The following IL7 variants were observed in gnomAD, a reference collection of about 807,000 sequenced individuals.
IL7 encodes interleukin 7.
IL7 carries 3 observed loss-of-function variants against 21.6 expected under a neutral mutation model. The observed-to-expected ratio is 0.14, with a 90% CI of 0.06 to 0.36. The LOEUF (loss-of-function observed/expected upper bound fraction) is 0.36, where lower values mean the gene tolerates loss of function less well. IL7 is among the 10% of genes least tolerant of loss of function. IL7 has a pLI of 1.00. For missense variants in IL7, 175 were observed against 200.2 expected, an observed-to-expected ratio of 0.87 and a Z score of 0.76; for synonymous variants, 62 against 68.1, an observed-to-expected ratio of 0.91 and a Z score of 0.44.
intron 2 of IL7, chr8:78,761,261 G>A (rs1812546182): frequency 7.5e-6 from 12 of 1,606,046 alleles, no homozygotes; most frequent in Middle Eastern, 2.3e-4. Context: ...ATGGAAAAAA[G>A]AACAAACTTC....
At chr8:78,711,887 G>A (rs1810960437) in intron 3 of IL7, 2 of 580,272 alleles carry the variant, frequency 3.4e-6, no homozygotes, top group South Asian at 1.7e-5. Flanking sequence ...TAAGGACTTG[G>A]GGAGTAGATA....
At chr8:78,681,716 A>G (rs981093137) in intron 4 of IL7, among the ~76,000 whole-genome samples, 2 of 152,074 alleles carry the variant, frequency 1.3e-5, no homozygotes, top group African/African-American at 4.8e-5. Flanking sequence ...AAAATAAATG[A>G]CATTTTGATT....
intron 5 of IL7, among the ~76,000 whole-genome samples, chr8:78,735,823 G>A (rs537983414): frequency 1.6e-4 from 24 of 151,800 alleles, no homozygotes; most frequent in African/African-American, 5.6e-4. Flanking sequence ...AAATATAAAA[G>A]AAGAATCCAT....
At chr8:78,767,502 C>T (rs898399680) in intron 2 of IL7, among the ~76,000 whole-genome samples, 1 of 151,936 alleles carries the variant, frequency 6.6e-6, no homozygotes. Context: ...AAATTATATT[C>T]TCTACCAATC....
rs115048201 is a variant in IL7 at position 78,692,838 on chromosome 8, C to T, written n.215-6891G>A. ...TGTTGGTGTGCTGCACCCATTAACT[C>T]GTCATTTACATGGAGTATATCTCCT... On this transcript the variant is annotated intron_variant and non_coding_transcript_variant, in intron 3 of 4. Coordinates refer to the IL7 transcript ENST00000523959. 2.6e-3 allele frequency among the ~76,000 whole-genome samples: 399 copies of T among 152,164 alleles called. 1 individual carries two copies. Among genetic ancestry groups the T allele is most frequent in the African/African-American group, 9.1e-3 (376 of 41,482 alleles).
intron 4 of IL7, among the ~76,000 whole-genome samples, chr8:78,737,811 A>G (rs1811644805): frequency 1.3e-5 from 2 of 152,178 alleles, no homozygotes; most frequent in Non-Finnish European, 1.5e-5. Context: ...GGTAAATAAT[A>G]CAAATAAAAT....
At chr8:78,723,185 TCATA>T (rs1179394725) in intron 3 of IL7, among the ~76,000 whole-genome samples, 3 of 151,040 alleles carry the variant, frequency 2.0e-5, no homozygotes, top group African/African-American at 7.3e-5. Flanking sequence ...AAGTTTGGAT[TCATA>T]CATTTTCTAG....
At chr8:78,772,177 A>T (rs1812979913) in intron 2 of IL7, among the ~76,000 whole-genome samples, 1 of 152,204 alleles carries the variant, frequency 6.6e-6, no homozygotes, top group African/African-American at 2.4e-5. Flanking sequence ...TTGCCTGGTT[A>T]CAAAGCCCAT....
intron 3 of IL7, among the ~76,000 whole-genome samples, chr8:78,697,969 T>A (rs555342209): frequency 6.6e-6 from 1 of 152,272 alleles, no homozygotes; most frequent in South Asian, 2.1e-4. Flanking sequence ...TGAGCCACCG[T>A]GGTGCCGAGC....
chr8:78,687,037 C>T (rs1403089393), intron 3 of IL7, among the ~76,000 whole-genome samples: 1 of 152,052 alleles, frequency 6.6e-6, no homozygotes, highest in African/African-American at 2.4e-5. Flanking sequence ...ATGTATAATT[C>T]ATGTGGCTCG....
intron 2 of IL7, among the ~76,000 whole-genome samples, chr8:78,793,700 C>A (rs903712893): frequency 6.6e-6 from 1 of 151,980 alleles, no homozygotes; most frequent in South Asian, 2.1e-4. Context: ...ATGAAGTTTG[C>A]CACATAGATT....
At chr8:78,737,894 C>G (rs938053294) in intron 4 of IL7, among the ~76,000 whole-genome samples, 1 of 152,116 alleles carries the variant, frequency 6.6e-6, no homozygotes, top group East Asian at 1.9e-4. Flanking sequence ...TTAATCCTTT[C>G]AAATCCCACA....
intron 3 of IL7, among the ~76,000 whole-genome samples, chr8:78,696,570 A>G (rs1314577494): frequency 6.6e-6 from 1 of 152,204 alleles, no homozygotes; most frequent in African/African-American, 2.4e-5. Flanking sequence ...AATTTGGCTC[A>G]AAAAGAGAAA....
At chr8:78,685,661 A>G (rs974846651) in intron 4 of IL7, among the ~76,000 whole-genome samples, 2 of 152,224 alleles carry the variant, frequency 1.3e-5, no homozygotes, top group African/African-American at 2.4e-5. Context: ...TTAGTAATTT[A>G]AAAAGGTGCT....
intron 2 of IL7, among the ~76,000 whole-genome samples, chr8:78,771,265 T>A (rs1232502227): frequency 1.3e-5 from 2 of 152,112 alleles, no homozygotes; most frequent in African/African-American, 4.8e-5. Context: ...TTAATACCAC[T>A]TCCAGCTCTG....
chr8:78,704,827 C>A (rs188459872), intron 3 of IL7, among the ~76,000 whole-genome samples: 2 of 152,070 alleles, frequency 1.3e-5, no homozygotes, highest in African/African-American at 4.8e-5. Context: ...TTCTTGTCAG[C>A]GTGTCTTATT....
At chr8:78,725,703 G>A (rs1174485014) in intron 3 of IL7, among the ~76,000 whole-genome samples, 1 of 151,930 alleles carries the variant, frequency 6.6e-6, no homozygotes, top group African/African-American at 2.4e-5. Flanking sequence ...CCCAATCGTA[G>A]TGTTAGATAA....
Position 78,804,948 on chromosome 8 carries a change from T to C in IL7, c.-26A>G. ...GGTCTGCGGGAGGCGGGCGTAGTCA[T>C]GATGACCGCAACTGGAGCAGGAGCA... On this transcript the variant is annotated 5_prime_UTR_variant, in exon 1 of 6. It removes an upstream start codon present in the reference 5' UTR. Coordinates refer to ENST00000263851, the MANE Select transcript of IL7 (RefSeq NM_000880.4). 6.2e-7 allele frequency: 1 copy of C among 1,609,926 alleles called. No individual in the cohort carries two copies. The highest frequency in any genetic ancestry group is 1.1e-5 in the South Asian group (1 of 90,654).
intron 2 of IL7, among the ~76,000 whole-genome samples, chr8:78,756,497 C>T (rs1168414156): frequency 1.3e-5 from 2 of 151,810 alleles, no homozygotes; most frequent in East Asian, 3.9e-4. Flanking sequence ...TCTTGTTACT[C>T]GTTATTGGTC....
Sources: allele counts gnomAD v4.1 joint callset (sites outside exome capture counted in the v4.1 genomes callset), GRCh38; gene constraint gnomAD v4.1.1; transcripts MANE v1.5; gene names NCBI Gene and HGNC (gene_info 2026-07-23, HGNC 2026-07-21).